Variants in GALNT13 observed in about 807,000 individuals in gnomAD.
GALNT13 encodes the protein UDP-GalNAc:polypeptide N-acetylgalactosaminyltransferase 13.
A neutral mutation model predicts 64.2 loss-of-function variants in GALNT13; 28 were observed. The observed-to-expected ratio is 0.44, with a 90% CI of 0.32 to 0.60. GALNT13 has a LOEUF of 0.60. Ranked by LOEUF, GALNT13 falls within the 20% of genes least tolerant of loss-of-function variation. The pLI is 0.05. For missense variants in GALNT13, 577 were observed against 669.8 expected (o/e 0.86, Z 1.53); for synonymous variants, 214 against 224.6 (o/e 0.95, Z 0.42).
chr2:153,312,766 G>A, the GALNT13 span, among the ~76,000 whole-genome samples: 10 of 152,070 alleles, frequency 6.6e-5, no homozygotes, highest in African/African-American at 1.9e-4. Context: ...TTGGATCATC[G>A]CGTTGAGGTG....
the GALNT13 span, among the ~76,000 whole-genome samples, chr2:153,518,218 G>A: frequency 6.6e-6 from 1 of 151,998 alleles, no homozygotes; most frequent in Non-Finnish European, 1.5e-5. Context: ...ATCCAAATAT[G>A]TTCTTCTATT....
intron 3 of GALNT13, among the ~76,000 whole-genome samples, chr2:154,040,503 G>T (rs1698911998): frequency 7.1e-6 from 1 of 140,554 alleles, no homozygotes; most frequent in Non-Finnish European, 1.6e-5. Context: ...TATGATTATG[G>T]ATAGGTTTTT....
the GALNT13 span, among the ~76,000 whole-genome samples, chr2:153,631,378 A>G: frequency 3.0e-3 from 453 of 152,306 alleles, 1 homozygote; most frequent in Non-Finnish European, 5.0e-3. Flanking sequence ...TCTGTGAGGA[A>G]TCACCACACT....
chr2:153,858,962 G>T, the GALNT13 span, among the ~76,000 whole-genome samples: 1 of 152,114 alleles, frequency 6.6e-6, no homozygotes, highest in East Asian at 1.9e-4. Context: ...TCACACTCCT[G>T]GCCTCAGGTG....
At chr2:154,006,780 G>A (rs1396526779) in intron 3 of GALNT13, among the ~76,000 whole-genome samples, 1 of 152,132 alleles carries the variant, frequency 6.6e-6, no homozygotes, top group Admixed American at 6.5e-5. Context: ...ATACTATGAT[G>A]TTCAGAGTAT....
chr2:153,406,204 T>C, the GALNT13 span, among the ~76,000 whole-genome samples: 1 of 152,186 alleles, frequency 6.6e-6, no homozygotes, highest in Admixed American at 6.5e-5. Flanking sequence ...GTGGCTTTTG[T>C]GTACAGAAAA....
At chr2:153,468,904 C>A in the GALNT13 span, among the ~76,000 whole-genome samples, 14 of 152,128 alleles carry the variant, frequency 9.2e-5, no homozygotes, top group African/African-American at 3.4e-4. Context: ...CTTGAGACTA[C>A]CAAACACTGA....
chr2:154,234,556 A>T (rs1689089840), intron 4 of GALNT13, among the ~76,000 whole-genome samples: 1 of 152,040 alleles, frequency 6.6e-6, no homozygotes, highest in African/African-American at 2.4e-5. Context: ...CAATTGGATG[A>T]CTTGCAAACT....
At chr2:153,399,862 G>A in the GALNT13 span, among the ~76,000 whole-genome samples, 79 of 151,430 alleles carry the variant, frequency 5.2e-4, no homozygotes, top group East Asian at 2.3e-3. Context: ...CAATCATGTC[G>A]TCTGCAAACA....
intron 3 of GALNT13, among the ~76,000 whole-genome samples, chr2:154,084,634 A>G (rs1051413769): frequency 1.3e-5 from 2 of 151,956 alleles, no homozygotes; most frequent in Admixed American, 6.6e-5. Context: ...TGCCAACTAT[A>G]ATACAGATAT....
intron 2 of GALNT13, among the ~76,000 whole-genome samples, chr2:153,907,274 T>C (rs1688635255): frequency 6.6e-6 from 1 of 151,916 alleles, no homozygotes; most frequent in Admixed American, 6.6e-5. Context: ...TTTTGGTTAA[T>C]TTGTGCCTAG....
intron 8 of GALNT13, among the ~76,000 whole-genome samples, chr2:154,266,768 G>T (rs1013758184): frequency 4.0e-5 from 6 of 151,420 alleles, no homozygotes; most frequent in African/African-American, 1.2e-4. Context: ...CAATAGTTAA[G>T]TGTATTGTAT....
the GALNT13 span, among the ~76,000 whole-genome samples, chr2:153,239,318 G>A: frequency 3.1e-3 from 477 of 152,096 alleles, 1 homozygote; most frequent in African/African-American, 0.011. Flanking sequence ...CAATTTGGAC[G>A]TGCTTTATTT....
intron 9 of GALNT13, among the ~76,000 whole-genome samples, chr2:154,339,546 A>C (rs1449894796): frequency 1.3e-5 from 2 of 152,156 alleles, no homozygotes; most frequent in African/African-American, 4.8e-5. Context: ...TTTAAAATGT[A>C]GTTCTTATAG....
the GALNT13 span, among the ~76,000 whole-genome samples, chr2:153,403,602 C>G: frequency 2.0e-5 from 3 of 152,320 alleles, no homozygotes; most frequent in East Asian, 1.9e-4. Context: ...TAGGACCCTC[C>G]GAGCCAGGTG....
At chr2:153,755,356 T>A in the GALNT13 span, among the ~76,000 whole-genome samples, 1 of 152,140 alleles carries the variant, frequency 6.6e-6, no homozygotes, top group African/African-American at 2.4e-5. Flanking sequence ...CTGTACTAAT[T>A]TGTATTCCTA....
chr2:153,184,425 A>T, the GALNT13 span, among the ~76,000 whole-genome samples: 1 of 152,178 alleles, frequency 6.6e-6, no homozygotes, highest in Non-Finnish European at 1.5e-5. Flanking sequence ...AACAAAGATA[A>T]TTTGACTTCC....
intron 7 of GALNT13, among the ~76,000 whole-genome samples, chr2:154,254,582 A>C (rs1016236432): frequency 6.6e-6 from 1 of 151,930 alleles, no homozygotes; most frequent in Non-Finnish European, 1.5e-5. Flanking sequence ...AAAATACTTC[A>C]GAAAAAAAAA....
In GALNT13 at chr2:154,245,990, G is replaced by T. The variant is rs1210937606; in HGVS notation, c.857+8G>T. 1.9e-6 allele frequency: 3 copies of T among 1,597,956 alleles called. No individual in the cohort carries two copies. The highest frequency in any genetic ancestry group is 1.3e-5 in the African/African-American group (1 of 74,560). ...CAGAACATTACCTGTCAGGTATGTAGATCATATCTCTTGAAGATTATGTAT... is the reference window on the plus strand; with the variant it reads ...CAGAACATTACCTGTCAGGTATGTATATCATATCTCTTGAAGATTATGTAT... On this transcript the variant is annotated splice_region_variant and intron_variant, in intron 7 of 12. Transcript: ENST00000392825.
Sources: gnomAD v4.1 joint callset for allele counts (sites outside exome capture counted in the v4.1 genomes callset) on GRCh38, gnomAD v4.1.1 for gene constraint, MANE v1.5 for transcripts, NCBI Gene and HGNC (gene_info 2026-07-23, HGNC 2026-07-21) for gene names.